ACOX1: variants seen among roughly 807,000 people sequenced by gnomAD.
ACOX1 encodes the protein peroxisomal acyl-coenzyme A oxidase 1.
Under a neutral mutation model 75.5 loss-of-function variants are expected in ACOX1, and 41 were observed. The ratio of observed to expected loss-of-function variants is 0.54; its 90% CI spans 0.42 to 0.70. The LOEUF is 0.70. Ranked by LOEUF, ACOX1 falls within the 30% of genes least tolerant of loss-of-function variation. ACOX1 has a pLI of 0.00. For synonymous variants in ACOX1, 303 were observed against 298.8 expected, an observed-to-expected ratio of 1.01 and a Z score of -0.15; for missense variants, 630 against 837.5, an observed-to-expected ratio of 0.75 and a Z score of 3.06.
In ACOX1 at chr17:75,979,058, G is replaced by A. The variant is rs141670654; in HGVS notation, c.16C>T (p.Arg6Cys). ...AAGCTGGCGGAATCCCGCTCCCTGC[G>A]CAGGTCCGGGTTCATGGCGACGACC... is the stretch of plus-strand genomic sequence containing the variant. MNPDL[R>C]RERDSASFNP... is the part of the protein sequence containing the mutation. The change falls in exon 1 of 14, where the codon CGC becomes TGC. Residue 6 changes from arginine to cysteine, a missense_variant. Arg to Cys is a radical substitution (Grantham distance 180). Transcript: ENST00000293217. 1.4e-4 allele frequency: 227 copies of A among 1,611,954 alleles called. No homozygotes were observed. Among genetic ancestry groups the A allele is most frequent in the Middle Eastern group, 4.9e-4 (3 of 6,062 alleles).
At chr17:75,951,733 T>C (rs1415221422) in intron 7 of ACOX1, among the ~76,000 whole-genome samples, 156 bp from the exon 8 acceptor site, 2 of 151,552 alleles carry the variant, frequency 1.3e-5, no homozygotes, top group African/African-American at 4.9e-5. Context: ...ATTTTACAAA[T>C]GGGAAACTGA....
At chr17:75,971,458 C>G (rs577107303) in intron 2 of ACOX1, among the ~76,000 whole-genome samples, 65 of 152,026 alleles carry the variant, frequency 4.3e-4, no homozygotes, top group Non-Finnish European at 8.1e-4. Context: ...AAAATTAGGG[C>G]AGGCCGGGCG....
At chr17:75,962,487 C>T (rs1233927480) in intron 2 of ACOX1, among the ~76,000 whole-genome samples, 1 of 152,140 alleles carries the variant, frequency 6.6e-6, no homozygotes, top group Non-Finnish European at 1.5e-5. Context: ...CCATATTGCT[C>T]TTATCATTCT....
Position 75,960,142 on chromosome 17 carries a change from A to G in ACOX1, c.430+73T>C. The G allele has an allele frequency of 6.3e-7, 1 of 1,584,012 alleles. No homozygotes were observed. The highest frequency in any genetic ancestry group is 2.2e-5 in the East Asian group (1 of 44,618). On this transcript the variant is annotated intron_variant, in intron 3 of 13. Coordinates refer to ENST00000293217, the MANE Select transcript of ACOX1 (RefSeq NM_004035.7). The surrounding 1 kb of genome is among the most constrained non-coding windows in gnomAD (Gnocchi z 4.4). ...AACATCGACACACCATCGATGGCAC[A>G]TGGTGGGCACTCCACACATGGTAAG...
At chr17:75,973,798 A>C (rs200387562) in intron 2 of ACOX1, 11 of 1,614,002 alleles carry the variant, frequency 6.8e-6, no homozygotes, top group African/African-American at 2.7e-5. Flanking sequence ...ACAGGAGAGA[A>C]GAGAAAAGGA....
rs886053457 is a variant in ACOX1, at chr17:75,949,787, ACTG to A, written c.1406_1408del (p.Ala469del). On this transcript the variant is annotated inframe_deletion, in exon 10 of 14. Coordinates refer to ENST00000293217, the MANE Select transcript of ACOX1 (RefSeq NM_004035.7). ...GTTGATATCCACCATGGTTGGCCAG[ACTG>A]CTACCTGCTGTGGCTGGATGCGCTG... 2.8e-5 allele frequency: 46 copies of A among 1,614,060 alleles called. No individual in the cohort carries two copies. The highest frequency in any genetic ancestry group is 3.9e-5 in the Non-Finnish European group (46 of 1,180,042).
chr17:75,965,756 C>T (rs1275485799), intron 2 of ACOX1, among the ~76,000 whole-genome samples: 2 of 152,044 alleles, frequency 1.3e-5, no homozygotes, highest in East Asian at 3.9e-4. Context: ...TCCCTTCAGT[C>T]TAGGAGATCA....
At position 75,956,603 on chromosome 17, in the gene ACOX1, G is replaced by C. The variant is rs556826283; in HGVS notation, c.539-656C>G. Among the ~76,000 whole-genome samples, 69 of 150,888 alleles carry C rather than the reference G, an allele frequency of 4.6e-4. No individual in the cohort carries two copies. The South Asian group carries it at 0.013, about 29-fold the overall frequency. ...CTCAGGAGGCTGAGGCAGGAGAATC[G>C]CTTGAACCCAGAAGGTGGAGGTTGC... On this transcript the variant is annotated intron_variant, in intron 4 of 13. Coordinates refer to ENST00000293217, the MANE Select transcript of ACOX1 (RefSeq NM_004035.7).
intron 3 of ACOX1, among the ~76,000 whole-genome samples, chr17:75,959,894 T>G (rs2144270586): frequency 6.6e-6 from 1 of 152,290 alleles, no homozygotes; most frequent in Admixed American, 6.5e-5. Flanking sequence ...AAAAAACAGC[T>G]TCGGGTTGTA....
intron 7 of ACOX1, 32 bp downstream of exon 7, chr17:75,953,419 G>T: frequency 6.2e-7 from 1 of 1,610,612 alleles, no homozygotes; most frequent in South Asian, 1.1e-5. Context: ...CTAGGCCTTT[G>T]GTACTGAGCC....
At chr17:75,953,765 C>T in intron 6 of ACOX1, 145 bp from the exon 7 acceptor site, 1 of 977,114 alleles carries the variant, frequency 1.0e-6, no homozygotes, top group East Asian at 2.6e-5. Context: ...CCCACCCTGA[C>T]CAACTGAATC....
chr17:75,962,129 G>A (rs1206327475), intron 2 of ACOX1, among the ~76,000 whole-genome samples: 2 of 151,912 alleles, frequency 1.3e-5, no homozygotes, highest in African/African-American at 2.4e-5. Context: ...ATTCGGCCAC[G>A]CTCTACTGAA....
In ACOX1 at chr17:75,942,154, G is replaced by A. The variant is rs910434449; in HGVS notation, c.*4594C>T. 2 of 152,174 alleles carry A rather than the reference G, an allele frequency of 1.3e-5. No homozygotes were observed. Among genetic ancestry groups the A allele is most frequent in the African/African-American group, 4.8e-5 (2 of 41,418 alleles). 9.4% of individuals were successfully genotyped at this position (152,174 alleles called of 1,614,324 possible). On this transcript the variant is annotated 3_prime_UTR_variant, in exon 14 of 14. Coordinates refer to ENST00000293217, the MANE Select transcript of ACOX1 (RefSeq NM_004035.7). ...TGTGGACAGTTAAAAACACTGGCCC[G>A]GCACGGTGGCTCACGCCTGTAATCC...
intron 2 of ACOX1, among the ~76,000 whole-genome samples, chr17:75,970,431 G>A (rs559819932): frequency 7.4e-4 from 113 of 152,236 alleles, no homozygotes; most frequent in Admixed American, 1.1e-3. Context: ...CCCAGGTTCA[G>A]GCCTCTGCCT....
intron 3 of ACOX1, among the ~76,000 whole-genome samples, chr17:75,958,536 C>A (rs545235287): frequency 6.9e-6 from 1 of 144,968 alleles, no homozygotes; most frequent in South Asian, 2.1e-4. Context: ...AAGCTGGGCA[C>A]GGTGGCTCAC....
rs1385978470 is a variant in ACOX1 at position 75,945,064 on chromosome 17, T to C, written c.*1684A>G. The C allele has an allele frequency of 2.0e-5, 3 of 152,054 alleles. No homozygotes were observed. Among genetic ancestry groups the C allele is most frequent in the Non-Finnish European group, 4.4e-5 (3 of 68,016 alleles). The allele number at this position is 152,054 out of a possible 1,614,324, so 9.4% of individuals were successfully genotyped here. A position where few individuals can be genotyped will look rare whatever the true frequency, so the allele number is the denominator to read the frequency against. On this transcript the variant is annotated 3_prime_UTR_variant, in exon 14 of 14. Coordinates refer to ENST00000293217, the MANE Select transcript of ACOX1 (RefSeq NM_004035.7). ...CCTGGCCCCAGATTTAGATTTTAAA[T>C]AAAACGTGAGGTACTGGGTCAAAGG... is the stretch of plus-strand genomic sequence containing the variant.
chr17:75,970,202 G>T (rs1161128626), intron 2 of ACOX1, among the ~76,000 whole-genome samples: 1 of 90,826 alleles, frequency 1.1e-5, no homozygotes, highest in African/African-American at 5.8e-5. Flanking sequence ...AAAAAAAAAA[G>T]AGGAAGGAAG....
chr17:75,953,387 T>C (rs1447588870), intron 7 of ACOX1, 64 bp downstream of exon 7: 13 of 1,588,902 alleles, frequency 8.2e-6, no homozygotes, highest in Non-Finnish European at 8.6e-6. Context: ...TTGGGAATTC[T>C]GGGATCTGAA....
At chr17:75,961,815 TG>T (rs1275186868) in intron 2 of ACOX1, among the ~76,000 whole-genome samples, 2 of 149,590 alleles carry the variant, frequency 1.3e-5, no homozygotes, top group Non-Finnish European at 3.0e-5. Context: ...CTGGGTGTGG[TG>T]GCATGTGCCT....
Sources: allele counts gnomAD v4.1 joint callset (sites outside exome capture counted in the v4.1 genomes callset), GRCh38; gene constraint gnomAD v4.1.1; non-coding constraint Gnocchi (gnomAD v3.1); transcripts MANE v1.5; gene names NCBI Gene and HGNC (gene_info 2026-07-23, HGNC 2026-07-21).